ABR: variants seen among roughly 807,000 people sequenced by gnomAD.
The protein encoded by ABR is ABR activator of RhoGEF and GTPase, also known as active breakpoint cluster region-related protein.
In ABR, 35 loss-of-function variants were observed where a neutral mutation model predicts 107.2. That is an observed-to-expected ratio of 0.33 (90% CI 0.25 to 0.43). The LOEUF (loss-of-function observed/expected upper bound fraction) is 0.43, where lower values mean the gene tolerates loss of function less well. Ranked by LOEUF, ABR falls within the 20% of genes least tolerant of loss-of-function variation. The probability of loss-of-function intolerance (pLI) is 1.00; values close to 1 mark genes in which losing one functional copy is unlikely to be tolerated. For synonymous variants in ABR, 498 were observed against 462.0 expected (o/e 1.08, Z -1.00); for missense variants, 815 against 1,115.2 (o/e 0.73, Z 3.83).
chr17:1,059,273 C>T (rs2033670896), intron 10 of ABR, among the ~76,000 whole-genome samples: 1 of 152,212 alleles, frequency 6.6e-6, no homozygotes, highest in South Asian at 2.1e-4. Flanking sequence ...GTGCCAAGCC[C>T]TTTCCCTGCC....
In ABR at chr17:1,197,373, C is replaced by T. The variant is rs540605052; in HGVS notation, c.838+31420G>A. ...TTGAAAAAAATTGGGCAGGGTCAGC[C>T]CCATGCCCCATTTTTGGTCTGAGAG... is the stretch of plus-strand genomic sequence containing the variant. On this transcript the variant is annotated intron_variant, in intron 1 of 22. Coordinates refer to the ABR transcript ENST00000574139. Among the ~76,000 whole-genome samples the T allele has an allele frequency of 1.6e-4, 24 of 151,568 alleles. 1 individual carries two copies. The highest frequency in any genetic ancestry group is 3.2e-4 in the Non-Finnish European group (22 of 67,984).
In ABR at chr17:1,021,449, G is replaced by A. The variant is rs550845476; in HGVS notation, c.1792-8285C>T. On this transcript the variant is annotated intron_variant, in intron 16 of 22. Coordinates refer to ENST00000302538, the MANE Select transcript of ABR (RefSeq NM_021962.5). ...CGCTCTTCTACCCTCCACCCTCTGA[G>A]CCCCGGCATCCCAGAATGCGGGAGG... Among the ~76,000 whole-genome samples the A allele has an allele frequency of 4.6e-5, 7 of 152,362 alleles. No individual in the cohort carries two copies. The East Asian group carries it at 9.6e-4, about 21-fold the overall frequency.
At chr17:1,103,916 T>A (rs1487120072) in intron 2 of ABR, among the ~76,000 whole-genome samples, 2 of 152,168 alleles carry the variant, frequency 1.3e-5, no homozygotes, top group Admixed American at 1.3e-4. Flanking sequence ...ATTCCCAGTT[T>A]AGAGCCATGA....
At chr17:1,102,717 A>G (rs1049184823) in intron 2 of ABR, among the ~76,000 whole-genome samples, 3 of 152,010 alleles carry the variant, frequency 2.0e-5, no homozygotes, top group Admixed American at 6.6e-5. Flanking sequence ...TTATTTATGT[A>G]TTTACTTATT....
intron 5 of ABR, 98 bp from the exon 6 acceptor site, chr17:1,079,488 G>A (rs905095321): frequency 2.6e-6 from 3 of 1,155,624 alleles, no homozygotes; most frequent in Non-Finnish European, 1.3e-6. Flanking sequence ...GAAACTCAGG[G>A]TGTACATATG....
intron 16 of ABR, among the ~76,000 whole-genome samples, chr17:1,022,229 C>T (rs889742599): frequency 5.3e-5 from 8 of 152,268 alleles, no homozygotes; most frequent in Admixed American, 2.6e-4. Context: ...CCTGGAGGGG[C>T]CGCGGAGCCC....
rs534401648 is a variant in ABR at position 1,058,785 on chromosome 17, G to T, written c.1265C>A (p.Ser422Tyr). 1.2e-6 allele frequency: 2 copies of T among 1,614,144 alleles called. No homozygotes were observed. The highest frequency in any genetic ancestry group is 4.5e-5 in the East Asian group (2 of 44,884). Residue 422 changes from serine (S) to tyrosine (Y), a missense_variant, in exon 11 of 23, where the codon TCC (serine) becomes TAC (tyrosine). Physicochemically the swap from Ser to Tyr is moderately radical, Grantham distance 144. This residue lies in a region of ABR where 385 missense variants were observed against 596.9 expected (regional missense o/e 0.64). Transcript: ENST00000302538. ...FENEFLLLLN[S>Y]PTIPFRIHNR... is the part of the protein sequence containing the mutation. ...GTGGATCCTGAACGGGATTGTGGGGGAGTTGAGCAGCAGCAGGAACTCATT... is the reference window on the plus strand; with the variant it reads ...GTGGATCCTGAACGGGATTGTGGGGTAGTTGAGCAGCAGCAGGAACTCATT...
At chr17:1,186,782 C>T (rs1311427303) in intron 1 of ABR, 2 of 152,398 alleles carry the variant, frequency 1.3e-5, no homozygotes, top group Non-Finnish European at 1.5e-5. Flanking sequence ...GCCTGGAGCC[C>T]CCTACTCATT....
intron 2 of ABR, chr17:1,108,993 A>G: frequency 6.3e-7 from 1 of 1,598,118 alleles, no homozygotes; most frequent in Non-Finnish European, 8.5e-7. Flanking sequence ...CCCAGCTCGC[A>G]CTCCTCCAGG....
upstream of ABR, among the ~76,000 whole-genome samples, chr17:1,188,798 C>T (rs1449275856): frequency 6.6e-6 from 1 of 152,144 alleles, no homozygotes; most frequent in Non-Finnish European, 1.5e-5. Flanking sequence ...ATTTCGCCTT[C>T]ATAAACGTAG....
At chr17:1,043,364 T>A (rs975045228) in intron 16 of ABR, among the ~76,000 whole-genome samples, 1 of 152,072 alleles carries the variant, frequency 6.6e-6, no homozygotes, top group Admixed American at 6.6e-5. Flanking sequence ...AGATGGGGTC[T>A]CACCATGTTG....
At chr17:1,185,443 G>A (rs372081952) in intron 1 of ABR, among the ~76,000 whole-genome samples, 8 of 151,946 alleles carry the variant, frequency 5.3e-5, no homozygotes, top group Admixed American at 1.3e-4. Flanking sequence ...TCAGGAGTTC[G>A]AGACCAGCCT....
At chr17:1,038,277 G>A (rs1045531326) in intron 16 of ABR, among the ~76,000 whole-genome samples, 20 of 152,196 alleles carry the variant, frequency 1.3e-4, no homozygotes, top group South Asian at 2.1e-4. Context: ...CGAAGGCCTC[G>A]CTCTCCCTCG....
intron 5 of ABR, among the ~76,000 whole-genome samples, chr17:1,080,275 G>A (rs2036122884): frequency 1.3e-5 from 2 of 152,272 alleles, no homozygotes; most frequent in South Asian, 2.1e-4. Flanking sequence ...GGTCCGAGAG[G>A]AAGCTTCGAG....
In ABR at chr17:1,022,120, A is replaced by AAAAAACAAAAAAAC. The variant is rs1555534386; in HGVS notation, c.1792-8957_1792-8956insGTTTTTTTGTTTTT. ...AGACTCTGTCTCAAAAAAAAAAAAA[A>AAAAAACAAAAAAAC]AAAAACAGAAAATGACTCCAGAAGG... On this transcript the variant is annotated intron_variant, in intron 16 of 22. Transcript: ENST00000302538. Among the ~76,000 whole-genome samples, 186 of 118,394 alleles carry AAAAAACAAAAAAAC rather than the reference A, an allele frequency of 1.6e-3. 4 individuals carry two copies. The highest frequency in any genetic ancestry group is 4.3e-3 in the Middle Eastern group (1 of 230). The allele number at this position is 118,394 out of a possible 152,430, so 77.7% of individuals were successfully genotyped here.
At chr17:1,087,460 C>G (rs3915836) in intron 4 of ABR, among the ~76,000 whole-genome samples, 1 of 151,834 alleles carries the variant, frequency 6.6e-6, no homozygotes, top group South Asian at 2.1e-4. Context: ...GGACGCCCGG[C>G]GTGACGCCAA....
At chr17:1,086,263 G>A (rs1049292647) in intron 4 of ABR, among the ~76,000 whole-genome samples, 1 of 152,200 alleles carries the variant, frequency 6.6e-6, no homozygotes. Flanking sequence ...TGCCCCAGGG[G>A]ACTCAAGGGT....
At chr17:1,169,194 G>C (rs1050402494) in intron 1 of ABR, among the ~76,000 whole-genome samples, 14 of 152,218 alleles carry the variant, frequency 9.2e-5, no homozygotes, top group Admixed American at 7.2e-4. Context: ...GCAGGAAGAG[G>C]GTGAGCAGAG....
At chr17:1,081,728 C>T (rs2036249151) in intron 5 of ABR, among the ~76,000 whole-genome samples, 1 of 152,178 alleles carries the variant, frequency 6.6e-6, no homozygotes, top group Admixed American at 6.5e-5. Flanking sequence ...AAGTGTGCAC[C>T]ACCACGCCCG....
Sources: gnomAD v4.1 joint callset for allele counts (sites outside exome capture counted in the v4.1 genomes callset) on GRCh38, gnomAD v4.1.1 for gene constraint, gnomAD v4.1.1 regional missense constraint, MANE v1.5 for transcripts, NCBI Gene and HGNC (gene_info 2026-07-23, HGNC 2026-07-21) for gene names.